MZT2A: variants seen among roughly 807,000 people sequenced by gnomAD.
MZT2A encodes the protein mitotic-spindle organizing protein 2A.
A neutral mutation model predicts 12.4 loss-of-function variants in MZT2A; 8 were observed. The observed-to-expected ratio is 0.64, with a 90% CI of 0.38 to 1.16. The LOEUF (loss-of-function observed/expected upper bound fraction) is 1.16, where lower values mean the gene tolerates loss of function less well. Ranked by LOEUF, MZT2A falls within the 50% of genes most tolerant of loss-of-function variation. MZT2A has a pLI of 0.01. For synonymous variants in MZT2A, 88 were observed against 107.5 expected (o/e 0.82, Z 1.12); for missense variants, 181 against 223.6 (o/e 0.81, Z 1.22).
At chr2:131,472,115 C>G in exon 3 of MZT2A, 2 of 1,290,586 alleles carry the variant, frequency 1.5e-6, no homozygotes, top group African/African-American at 1.5e-5. Context: ...TGCTGCTTCT[C>G]TGGCCCCCGT....
chr2:131,482,768 C>T (rs756125358), downstream of MZT2A: 2 of 1,614,198 alleles, frequency 1.2e-6, no homozygotes, highest in African/African-American at 2.7e-5. Context: ...CCGCGAGGAC[C>T]TGGCAGCTCT....
At chr2:131,472,822 T>C (rs1392482031) in intron 2 of MZT2A, among the ~76,000 whole-genome samples, 1 of 152,130 alleles carries the variant, frequency 6.6e-6, no homozygotes, top group Non-Finnish European at 1.5e-5. Flanking sequence ...GTGGCTGGAC[T>C]GAAGAGCACC....
intron 2 of MZT2A, among the ~76,000 whole-genome samples, chr2:131,488,153 C>G (rs1311387208): frequency 6.6e-6 from 1 of 152,176 alleles, no homozygotes; most frequent in Non-Finnish European, 1.5e-5. Context: ...GGCAGCACAG[C>G]TCAGGTGAGA....
upstream of MZT2A, chr2:131,492,630 G>C: frequency 8.2e-7 from 1 of 1,224,052 alleles, no homozygotes; most frequent in Non-Finnish European, 1.0e-6. Flanking sequence ...TGGCGGTCAG[G>C]GCGTCCCTGA....
chr2:131,471,299 A>C (rs1449509392), intron 3 of MZT2A, among the ~76,000 whole-genome samples: 1 of 140,824 alleles, frequency 7.1e-6, no homozygotes, highest in African/African-American at 3.2e-5. Context: ...TTTGGGCTTA[A>C]AATCTGCCCC....
chr2:131,492,873 C>G, upstream of MZT2A: 1 of 1,499,160 alleles, frequency 6.7e-7, no homozygotes, highest in South Asian at 1.2e-5. Flanking sequence ...CCTTGGGGCG[C>G]CAGAGGCCGC....
chr2:131,482,612 C>T (rs751340908), downstream of MZT2A: 67 of 1,613,956 alleles, frequency 4.2e-5, no homozygotes, highest in South Asian at 4.8e-4. Context: ...CAAGGTGCAG[C>T]GGGCCGTGTG....
Position 131,484,600 on chromosome 2 carries a change from CAG to C in MZT2A, c.320-384_320-383del, listed in dbSNP as rs530802924. Among the ~76,000 whole-genome samples the C allele has an allele frequency of 1.9e-3, 292 of 152,222 alleles. 1 individual carries two copies. Among genetic ancestry groups the C allele is most frequent in the African/African-American group, 6.5e-3 (272 of 41,584 alleles). The stretch of plus-strand genomic sequence containing the variant: ...ATCGTGCCATCAGCGGCAGCAGCAG[CAG>C]CAGGGACGCGCTGCCTCATCCTCAA... On this transcript the variant is annotated intron_variant, in intron 2 of 2. Transcript: ENST00000309451.
chr2:131,480,463 C>T (rs754278163), downstream of MZT2A: 45 of 1,588,360 alleles, frequency 2.8e-5, 1 homozygote, highest in Non-Finnish European at 3.4e-5. Flanking sequence ...GAATTCCAGA[C>T]CAACCTAGTG....
rs201758214 is a variant in MZT2A at position 131,492,273 on chromosome 2, G to C, written c.104C>G (p.Thr35Ser). The C allele has an allele frequency of 7.6e-4, 1,205 of 1,577,702 alleles. No individual in the cohort carries two copies. The highest frequency in any genetic ancestry group is 9.7e-4 in the Non-Finnish European group (1,135 of 1,169,718). ...LALRRKKVLS[T>S]EEMELYELAQ... ...CAGCTCGTACAGCTCCATCTCCTCGGTGCTCAGCACCTTCTTGCGCCGCAG... is the reference window on the plus strand; with the variant it reads ...CAGCTCGTACAGCTCCATCTCCTCGCTGCTCAGCACCTTCTTGCGCCGCAG... Residue 35 changes from threonine to serine, a missense_variant, in exon 1 of 3, where the codon ACC becomes AGC. Around this residue, in one of 3 missense-constraint regions of MZT2A, gnomAD observed 106 missense variants for 127.2 expected, o/e 0.83. Coordinates refer to ENST00000309451, the MANE Select transcript of MZT2A (RefSeq NM_001085365.2).
At chr2:131,481,625 G>A (rs1678869865), downstream of MZT2A, among the ~76,000 whole-genome samples, 1 of 151,936 alleles carries the variant, frequency 6.6e-6, no homozygotes, top group Admixed American at 6.6e-5. Context: ...AGTAGAGATG[G>A]GATTTTGCCA....
intron 4 of MZT2A, chr2:131,469,808 C>CCCACCTTTTT (rs1390873773): frequency 2.3e-5 from 3 of 131,494 alleles, no homozygotes; most frequent in African/African-American, 1.2e-4. Context: ...TCCTCCCCCC[C>CCCACCTTTTT]TTTTTTTTTT....
At chr2:131,483,401 C>A (rs1317756679), downstream of MZT2A, among the ~76,000 whole-genome samples, 1 of 152,164 alleles carries the variant, frequency 6.6e-6, no homozygotes, top group Non-Finnish European at 1.5e-5. Context: ...GACCCCAGTG[C>A]TCCACAGTAA....
intron 2 of MZT2A, chr2:131,490,758 G>GT (rs59442386): frequency 6.6e-7 from 1 of 1,505,948 alleles, no homozygotes; most frequent in African/African-American, 2.2e-5. Context: ...AGGGAACCCG[G>GT]GGGGCCTGGA....
At chr2:131,483,639 C>T (rs1678931916), downstream of MZT2A, among the ~76,000 whole-genome samples, 1 of 152,086 alleles carries the variant, frequency 6.6e-6, no homozygotes, top group Non-Finnish European at 1.5e-5. Flanking sequence ...GGCGCGAACC[C>T]AGGAGGCGGA....
chr2:131,484,211 G>A lies in MZT2A; in HGVS notation c.327C>T (p.Asp109=). 6.2e-7 allele frequency: 1 copy of A among 1,613,862 alleles called. No homozygotes were observed. Among genetic ancestry groups the A allele is most frequent in the Non-Finnish European group, 8.5e-7 (1 of 1,179,822 alleles). ...TSSVPETRGR[D]KGSAALGGVL... is the part of the protein sequence containing the mutation. ...CTCCCCCGAGGGCAGCGCTGCCTTT[G>A]TCTCTCCCTAAGGAGACACAAAGCA... is the stretch of plus-strand genomic sequence containing the variant. Residue 109 remains aspartate, a synonymous_variant, in exon 3 of 3, where the codon GAC becomes GAT. Transcript: ENST00000309451.
downstream of MZT2A, chr2:131,482,815 G>A (rs1678907500): frequency 1.2e-6 from 2 of 1,614,210 alleles, no homozygotes; most frequent in Non-Finnish European, 1.7e-6. Flanking sequence ...TGGATTCCGT[G>A]GAAGCTGAGG....
chr2:131,474,459 G>C (rs1678587185), intron 2 of MZT2A, among the ~76,000 whole-genome samples: 1 of 142,780 alleles, frequency 7.0e-6, no homozygotes, highest in South Asian at 2.3e-4. Flanking sequence ...GCCCAGGCTG[G>C]AGTGCAATGG....
chr2:131,490,307 T>G, intron 2 of MZT2A: 6 of 1,006,738 alleles, frequency 6.0e-6, no homozygotes, highest in Non-Finnish European at 6.1e-6. Flanking sequence ...AAGGTGGGAG[T>G]CTCTGTTTCA....
Sources: gnomAD v4.1 joint callset for allele counts (sites outside exome capture counted in the v4.1 genomes callset) on GRCh38, gnomAD v4.1.1 for gene constraint, gnomAD v4.1.1 regional missense constraint, MANE v1.5 for transcripts, NCBI Gene and HGNC (gene_info 2026-07-23, HGNC 2026-07-21) for gene names.